The following TBL1X variants were observed in gnomAD, a reference collection of about 807,000 sequenced individuals.
The protein encoded by TBL1X is transducin beta like 1 X-linked.
Under a neutral mutation model 50.7 loss-of-function variants are expected in TBL1X, and 10 were observed. The ratio of observed to expected loss-of-function variants is 0.20; its 90% confidence interval spans 0.12 to 0.33. The LOEUF is 0.33. Ranked by LOEUF, TBL1X falls within the 10% of genes least tolerant of loss-of-function variation. The probability of loss-of-function intolerance (pLI) is 1.00; values close to 1 mark genes in which losing one functional copy is unlikely to be tolerated. For synonymous variants in TBL1X, 190 were observed against 214.7 expected (o/e 0.88, Z 1.01); for missense variants, 340 against 504.4 (o/e 0.67, Z 3.12).
chrX:9,531,761 C>T (rs1316858762), intron 2 of TBL1X, among the ~76,000 whole-genome samples: 2 of 108,361 alleles, frequency 1.8e-5, no homozygotes, highest in African/African-American at 6.8e-5. Context: ...GAGACACGGT[C>T]TCATTCTGTC....
intron 2 of TBL1X, among the ~76,000 whole-genome samples, chrX:9,572,111 C>T (rs1228449332): frequency 8.9e-6 from 1 of 111,945 alleles, no homozygotes; most frequent in Non-Finnish European, 1.9e-5. Flanking sequence ...ATGTCACACC[C>T]CCGCGGAAAA....
chrX:9,490,481 A>G (rs776422114), intron 1 of TBL1X, among the ~76,000 whole-genome samples: 1 of 112,298 alleles, frequency 8.9e-6, no homozygotes, highest in Admixed American at 9.4e-5. Context: ...AGCCCCCCTC[A>G]AAGAATTATC....
intron 12 of TBL1X, 38 bp downstream of exon 12, chrX:9,697,467 T>C (rs2083138909): frequency 8.3e-7 from 1 of 1,205,494 alleles, no homozygotes. Flanking sequence ...TTTGTTTTTT[T>C]GTAATTCAAA....
intron 5 of TBL1X, among the ~76,000 whole-genome samples, chrX:9,669,842 A>G (rs2082950476): frequency 9.0e-6 from 1 of 111,467 alleles, no homozygotes; most frequent in African/African-American, 3.3e-5. Flanking sequence ...TAAAACCCAA[A>G]GGGAGGGATT....
chrX:9,716,267 AAG>A lies in TBL1X; in HGVS notation c.*23_*24del. 8.3e-7 allele frequency: 1 copy of A among 1,203,912 alleles called. No homozygotes were observed. The highest frequency in any genetic ancestry group is 1.1e-6 in the Non-Finnish European group (1 of 889,823). On this transcript the variant is annotated 3_prime_UTR_variant, in exon 18 of 18. Transcript: ENST00000645353. The stretch of plus-strand genomic sequence containing the variant: ...AGTAACCACAAAATATTATCGAAAA[AAG>A]AAAAGAATTCTAATGACCAGCCGTG...
At chrX:9,580,121 A>G (rs948677868) in intron 2 of TBL1X, among the ~76,000 whole-genome samples, 3 of 112,014 alleles carry the variant, frequency 2.7e-5, no homozygotes, top group Non-Finnish European at 5.6e-5. Flanking sequence ...TGGGGGCACA[A>G]CTTGGTTTTA....
chrX:9,671,054 A>T (rs757820601), intron 5 of TBL1X, among the ~76,000 whole-genome samples: 2 of 112,257 alleles, frequency 1.8e-5, no homozygotes, highest in South Asian at 7.5e-4. Flanking sequence ...CTTTGATGTG[A>T]TCTCATTAAG....
chrX:9,476,368 A>T (rs1438459028), intron 1 of TBL1X, among the ~76,000 whole-genome samples: 1 of 112,450 alleles, frequency 8.9e-6, no homozygotes, highest in African/African-American at 3.2e-5. Flanking sequence ...TTCATATTGG[A>T]ACCACTGAAT....
At chrX:9,502,174 A>G (rs1412282564) in intron 2 of TBL1X, among the ~76,000 whole-genome samples, 1 of 113,129 alleles carries the variant, frequency 8.8e-6, no homozygotes, top group East Asian at 2.7e-4. Context: ...TGTTGAAATG[A>G]TCACTTGGAT....
At chrX:9,464,500 G>T (rs923860496), upstream of TBL1X, among the ~76,000 whole-genome samples, 7 of 111,363 alleles carry the variant, frequency 6.3e-5, no homozygotes, top group Non-Finnish European at 1.1e-4. Context: ...CGCCGATTTT[G>T]AGGGAGATTC....
At chrX:9,518,449 A>G (rs1696446778) in intron 2 of TBL1X, among the ~76,000 whole-genome samples, 1 of 112,423 alleles carries the variant, frequency 8.9e-6, no homozygotes, top group African/African-American at 3.2e-5. Flanking sequence ...TGGTATTTTC[A>G]TAATTCGAGA....
chrX:9,634,129 C>A (rs990943562), intron 2 of TBL1X, among the ~76,000 whole-genome samples: 3 of 111,698 alleles, frequency 2.7e-5, no homozygotes, highest in Non-Finnish European at 5.6e-5. Context: ...TTTGCACTCA[C>A]GACGCACAAT....
chrX:9,573,811 C>T (rs933780249), intron 2 of TBL1X, among the ~76,000 whole-genome samples: 3 of 112,750 alleles, frequency 2.7e-5, no homozygotes, highest in Non-Finnish European at 5.6e-5. Context: ...GGGCATGGGC[C>T]GGGGCACGCT....
At chrX:9,681,658 C>T (rs752582254) in intron 5 of TBL1X, among the ~76,000 whole-genome samples, 18 of 112,527 alleles carry the variant, frequency 1.6e-4, no homozygotes, top group Non-Finnish European at 3.4e-4. Flanking sequence ...TTTCCTTCCA[C>T]AATTGCTCCA....
rs192690185 is a variant in TBL1X, at chrX:9,689,008, G to A, written c.616+733G>A. 2.8e-3 allele frequency among the ~76,000 whole-genome samples: 313 copies of A among 110,880 alleles called. 1 individual carries two copies. The highest frequency in any genetic ancestry group is 3.7e-3 in the Non-Finnish European group (194 of 51,783). ...TGCAAGTGTGTATGCATGCGTGTGC[G>A]TGTATGTGTGCGTGTGTGCGTGTGT... On this transcript the variant is annotated intron_variant, in intron 7 of 17. Coordinates refer to ENST00000645353, the MANE Select transcript of TBL1X (RefSeq NM_005647.4).
intron 2 of TBL1X, among the ~76,000 whole-genome samples, chrX:9,619,603 A>T (rs934295283): frequency 3.6e-5 from 4 of 112,643 alleles, no homozygotes; most frequent in African/African-American, 1.3e-4. Context: ...TTCATTTTGA[A>T]AAAAGGCTGT....
At chrX:9,553,216 C>T (rs2082279079) in intron 2 of TBL1X, among the ~76,000 whole-genome samples, 2 of 110,938 alleles carry the variant, frequency 1.8e-5, no homozygotes, top group South Asian at 7.8e-4. Flanking sequence ...AGAGCAATCA[C>T]AGAGGTGCTT....
At chrX:9,582,700 A>T (rs1165053478) in intron 2 of TBL1X, among the ~76,000 whole-genome samples, 2 of 112,736 alleles carry the variant, frequency 1.8e-5, no homozygotes, top group East Asian at 5.6e-4. Flanking sequence ...ATAAAATTAG[A>T]TGTTAAAGCG....
At chrX:9,531,994 C>A (rs1191870594) in intron 2 of TBL1X, among the ~76,000 whole-genome samples, 1 of 111,518 alleles carries the variant, frequency 9.0e-6, no homozygotes, top group Non-Finnish European at 1.9e-5. Context: ...CCTTGGCCTC[C>A]CAAAGTGCTG....
Sources: allele counts gnomAD v4.1 joint callset (sites outside exome capture counted in the v4.1 genomes callset), GRCh38; gene constraint gnomAD v4.1.1; transcripts MANE v1.5; gene names NCBI Gene and HGNC (gene_info 2026-07-23, HGNC 2026-07-21).